Variants in ATXN7 observed in about 807,000 individuals in gnomAD.
ATXN7 encodes the protein ataxin-7.
ATXN7 carries 12 observed loss-of-function variants against 70.5 expected under a neutral mutation model. The observed-to-expected ratio is 0.17, with a 90% CI of 0.11 to 0.28. The LOEUF (loss-of-function observed/expected upper bound fraction) is 0.28. Among genes scored for constraint, ATXN7 ranks in the 10% least tolerant of loss-of-function variants. The pLI is 1.00. For synonymous variants in ATXN7, 498 were observed against 448.7 expected (o/e 1.11, Z -1.39); for missense variants, 1,256 against 1,131.7 (o/e 1.11, Z -1.58).
intron 1 of ATXN7, among the ~76,000 whole-genome samples, chr3:63,880,565 C>A (rs1702879443): frequency 6.6e-6 from 1 of 152,144 alleles, no homozygotes; most frequent in Admixed American, 6.5e-5. Context: ...TCTGTCTCAC[C>A]AAGTGCTCTG....
At chr3:63,948,942 A>T (rs1362877928) in intron 4 of ATXN7, among the ~76,000 whole-genome samples, 1 of 152,250 alleles carries the variant, frequency 6.6e-6, no homozygotes, top group African/African-American at 2.4e-5. Flanking sequence ...GCTCAAGTAC[A>T]TAATTAATGG....
chr3:63,983,878 T>G lies in ATXN7; in HGVS notation c.1095+857T>G, dbSNP rs527356442. Among the ~76,000 whole-genome samples, 3 of 152,290 alleles carry G rather than the reference T, an allele frequency of 2.0e-5. No homozygotes were observed. The South Asian group carries it at 6.2e-4, about 32-fold the overall frequency. The stretch of plus-strand genomic sequence containing the variant: ...CCCCCCAGATAGGTTCAAGAAGCAT[T>G]CAGAGTCACTGCTTTGAAGTATGTA... On this transcript the variant is annotated intron_variant, in intron 8 of 12. Coordinates refer to ENST00000674280, the MANE Select transcript of ATXN7 (RefSeq NM_001377405.1).
chr3:63,910,825 AAT>A (rs1491309535), intron 2 of ATXN7, among the ~76,000 whole-genome samples: 1 of 151,928 alleles, frequency 6.6e-6, no homozygotes, highest in Non-Finnish European at 1.5e-5. Flanking sequence ...CTAAAATAAA[AAT>A]GTGTGTGTGT....
chr3:63,935,995 CCAGT>C (rs1423906485), intron 4 of ATXN7, among the ~76,000 whole-genome samples: 2 of 152,116 alleles, frequency 1.3e-5, no homozygotes, highest in African/African-American at 2.4e-5. Flanking sequence ...GCTAATTTTA[CCAGT>C]CATTCAATGC....
At chr3:63,999,251 A>G (rs140799437) in intron 12 of ATXN7, 199 bp from the exon 13 acceptor site, 1 of 548,208 alleles carries the variant, frequency 1.8e-6, no homozygotes, top group African/African-American at 1.9e-5. Flanking sequence ...GAATCTTTGC[A>G]ATGATTGTGC....
At chr3:63,957,308 T>C (rs1449587485) in intron 5 of ATXN7, among the ~76,000 whole-genome samples, 2 of 152,218 alleles carry the variant, frequency 1.3e-5, no homozygotes. Context: ...GTTGGCTGTT[T>C]AAGTATTTGC....
chr3:63,896,457 G>A (rs1703452027), intron 1 of ATXN7, among the ~76,000 whole-genome samples: 1 of 152,146 alleles, frequency 6.6e-6, no homozygotes, highest in Non-Finnish European at 1.5e-5. Context: ...GCAGTTTGGT[G>A]TACTGGAAAG....
intron 4 of ATXN7, among the ~76,000 whole-genome samples, chr3:63,924,365 G>A (rs1369671909): frequency 1.3e-5 from 2 of 152,068 alleles, no homozygotes; most frequent in East Asian, 3.9e-4. Flanking sequence ...GAGCAGTCTG[G>A]GGTGGAGACT....
chr3:63,925,996 T>C (rs1704701347), intron 4 of ATXN7, among the ~76,000 whole-genome samples: 1 of 152,172 alleles, frequency 6.6e-6, no homozygotes, highest in Non-Finnish European at 1.5e-5. Flanking sequence ...TAAGGGCCAG[T>C]TGGGCATGTA....
chr3:63,957,381 T>C (rs990728048), intron 5 of ATXN7, among the ~76,000 whole-genome samples: 5 of 152,208 alleles, frequency 3.3e-5, no homozygotes, highest in Admixed American at 6.5e-5. Context: ...TCTAAGCAGG[T>C]TGGAGCAGCC....
chr3:63,952,409 A>G lies in ATXN7; in HGVS notation c.425A>G (p.His142Arg), dbSNP rs776864967. Residue 142 changes from histidine (H) to arginine (R), a missense_variant, in exon 5 of 13, where the codon CAT becomes CGT. Coordinates refer to ENST00000674280, the MANE Select transcript of ATXN7 (RefSeq NM_001377405.1). ...CCAATATTTGGTTTCTGTCCAGCCC[A>G]TGATGATTTCTACTTGGTGGTGTGT... ...DMPIFGFCPA[H>R]DDFYLVVCND... is the part of the protein sequence containing the mutation. 6.8e-6 allele frequency: 11 copies of G among 1,611,914 alleles called. No homozygotes were observed. The South Asian group carries it at 1.1e-4, about 16-fold the overall frequency.
chr3:63,919,751 TC>T (rs1704433156), intron 4 of ATXN7, among the ~76,000 whole-genome samples: 1 of 75,986 alleles, frequency 1.3e-5, no homozygotes, highest in Admixed American at 2.0e-4. Flanking sequence ...CCCTCCCCCC[TC>T]CCCCCACCCC....
chr3:63,911,637 T>C (rs1704015889), intron 2 of ATXN7: 1 of 152,128 alleles, frequency 6.6e-6, no homozygotes, highest in Non-Finnish European at 1.5e-5. Flanking sequence ...CTCTCCTCCA[T>C]TCCCTCGCAC....
intron 1 of ATXN7, among the ~76,000 whole-genome samples, chr3:63,868,694 A>G (rs2107193792): frequency 6.6e-6 from 1 of 152,170 alleles, no homozygotes; most frequent in African/African-American, 2.4e-5. Context: ...ATAGCCACCC[A>G]CCAGCATTAT....
chr3:63,990,104 G>A, intron 9 of ATXN7, 72 bp from the exon 10 acceptor site: 2 of 1,470,306 alleles, frequency 1.4e-6, no homozygotes, highest in Non-Finnish European at 1.9e-6. Flanking sequence ...TGGACACACT[G>A]TTGTATCTCA....
rs114902368 is a variant in ATXN7, at chr3:63,964,395, A to G, written c.499+11912A>G. Among the ~76,000 whole-genome samples, 1,440 of 152,172 alleles carry G rather than the reference A, an allele frequency of 9.5e-3. 21 individuals carry two copies. The highest frequency in any genetic ancestry group is 0.032 in the African/African-American group (1,333 of 41,526). On this transcript the variant is annotated intron_variant, in intron 5 of 12. Transcript: ENST00000674280. ...TTAATTGCAAGGCCAAGGAAAAACT[A>G]TGGCCAGTTTTGTTTCTGATCTCCC... is the stretch of plus-strand genomic sequence containing the variant.
At chr3:63,997,251 C>CA (rs888456378) in intron 12 of ATXN7, among the ~76,000 whole-genome samples, 37 of 146,798 alleles carry the variant, frequency 2.5e-4, no homozygotes, top group Admixed American at 9.5e-4. Flanking sequence ...GACTATGTCT[C>CA]AAAAAAAAAA....
intron 1 of ATXN7, among the ~76,000 whole-genome samples, chr3:63,876,730 G>T (rs1174368516): frequency 1.3e-5 from 2 of 152,192 alleles, no homozygotes; most frequent in Non-Finnish European, 2.9e-5. Context: ...CCAGCAATGA[G>T]TAGCTCTCTT....
chr3:63,988,566 T>TG (rs1358515563), intron 9 of ATXN7: 6 of 497,830 alleles, frequency 1.2e-5, no homozygotes, highest in East Asian at 1.2e-4. Flanking sequence ...GCTCTATACT[T>TG]GCTGAACATC....
Sources: gnomAD v4.1 joint callset for allele counts (sites outside exome capture counted in the v4.1 genomes callset) on GRCh38, gnomAD v4.1.1 for gene constraint, MANE v1.5 for transcripts, NCBI Gene and HGNC (gene_info 2026-07-23, HGNC 2026-07-21) for gene names.